STK24: variants seen among roughly 807,000 people sequenced by gnomAD.
STK24 encodes the protein serine/threonine kinase 24.
Under a neutral mutation model 55.6 loss-of-function variants are expected in STK24, and 21 were observed. The ratio of observed to expected loss-of-function variants is 0.38; its 90% confidence interval spans 0.27 to 0.54. The LOEUF (loss-of-function observed/expected upper bound fraction) is 0.54. Among genes scored for constraint, STK24 ranks in the 20% least tolerant of loss-of-function variants. The probability of loss-of-function intolerance (pLI) is 0.79; values close to 1 mark genes in which losing one functional copy is unlikely to be tolerated. For synonymous variants in STK24, 200 were observed against 215.2 expected (o/e 0.93, Z 0.62); for missense variants, 383 against 538.4 (o/e 0.71, Z 2.86).
intron 1 of STK24, among the ~76,000 whole-genome samples, chr13:98,551,859 T>C (rs1897168319): frequency 6.6e-6 from 1 of 152,210 alleles, no homozygotes; most frequent in Non-Finnish European, 1.5e-5. Flanking sequence ...AATAAATCTT[T>C]GTTGAGAAAT....
intron 2 of STK24, among the ~76,000 whole-genome samples, chr13:98,491,266 T>C (rs1895019833): frequency 6.6e-6 from 1 of 152,210 alleles, no homozygotes. Context: ...ACAGGTGGCT[T>C]AGTCACTATT....
intron 1 of STK24, among the ~76,000 whole-genome samples, chr13:98,541,003 G>A (rs1349154313): frequency 2.0e-5 from 3 of 152,102 alleles, no homozygotes; most frequent in Non-Finnish European, 4.4e-5. Context: ...CTGTGATTTA[G>A]CAGGAGACAA....
At chr13:98,562,033 C>T (rs1208979944) in intron 1 of STK24, among the ~76,000 whole-genome samples, 3 of 143,130 alleles carry the variant, frequency 2.1e-5, no homozygotes, top group Admixed American at 7.0e-5. Context: ...AAAGGAGGCA[C>T]AGAAGTCAGT....
At chr13:98,522,351 T>C (rs765635785) in intron 1 of STK24, among the ~76,000 whole-genome samples, 8 of 152,208 alleles carry the variant, frequency 5.3e-5, no homozygotes, top group Non-Finnish European at 1.2e-4. Flanking sequence ...TTCCCAAACC[T>C]GCCCGAACAG....
At chr13:98,490,952 T>C (rs1895007130) in intron 2 of STK24, among the ~76,000 whole-genome samples, 1 of 151,988 alleles carries the variant, frequency 6.6e-6, no homozygotes. Flanking sequence ...TGAGAAGTGT[T>C]CTCTGGAGAA....
intron 1 of STK24, among the ~76,000 whole-genome samples, chr13:98,569,639 A>C: frequency 6.6e-6 from 1 of 151,948 alleles, no homozygotes; most frequent in East Asian, 1.9e-4. Flanking sequence ...AAAGAAAAGA[A>C]ATCTGATCAG....
At chr13:98,467,669 C>G (rs1332796575) in intron 5 of STK24, among the ~76,000 whole-genome samples, 1 of 152,126 alleles carries the variant, frequency 6.6e-6, no homozygotes, top group Non-Finnish European at 1.5e-5. Context: ...AGCCGTGTGG[C>G]CCCACTAGGA....
intron 1 of STK24, chr13:98,575,849 G>C (rs770390604): frequency 1.6e-5 from 3 of 189,272 alleles, no homozygotes; most frequent in Non-Finnish European, 2.9e-5. Flanking sequence ...AGCCAAGGAC[G>C]GTAGCTTTGT....
chr13:98,562,773 G>A (rs893503660), intron 1 of STK24, among the ~76,000 whole-genome samples: 31 of 151,816 alleles, frequency 2.0e-4, no homozygotes, highest in African/African-American at 5.3e-4. Flanking sequence ...AAAATTAGCC[G>A]GACGTGGTGG....
At chr13:98,505,167 T>G in intron 2 of STK24, 1 of 152,170 alleles carries the variant, frequency 6.6e-6, no homozygotes, top group Non-Finnish European at 1.5e-5. Context: ...AGGAAAAGTG[T>G]CCGGAAACAC....
chr13:98,574,000 GCTTT>G (rs1415764258), intron 1 of STK24, among the ~76,000 whole-genome samples: 1 of 150,922 alleles, frequency 6.6e-6, no homozygotes, highest in Admixed American at 6.6e-5. Flanking sequence ...AATTCACTCT[GCTTT>G]ATTTTTTTAT....
Position 98,448,412 on chromosome 13 carries a change from G to A in STK24, c.*4761C>T. 1 of 1,030,624 alleles carries A rather than the reference G, an allele frequency of 9.7e-7. No individual in the cohort carries two copies. The highest frequency in any genetic ancestry group is 2.4e-5 in the East Asian group (1 of 41,494). The allele number at this position is 1,030,624 out of a possible 1,614,324, so 63.8% of individuals were successfully genotyped here. On this transcript the variant is annotated 3_prime_UTR_variant, in exon 11 of 11. Transcript: ENST00000539966. ...AGCCTGGTAAAATTAACACCTGTCTGAAAATCAAAAACATGGCTTCCCAGC... is the reference window on the plus strand; with the variant it reads ...AGCCTGGTAAAATTAACACCTGTCTAAAAATCAAAAACATGGCTTCCCAGC...
chr13:98,459,378 G>A (rs370305590), intron 9 of STK24, among the ~76,000 whole-genome samples: 6 of 152,206 alleles, frequency 3.9e-5, no homozygotes, highest in Non-Finnish European at 7.3e-5. Context: ...GTGAGGCCTC[G>A]GGCTCTGGCC....
At chr13:98,529,558 C>G (rs555750853) in intron 1 of STK24, among the ~76,000 whole-genome samples, 1 of 152,334 alleles carries the variant, frequency 6.6e-6, no homozygotes, top group South Asian at 2.1e-4. Flanking sequence ...CATCCAACTT[C>G]TTAATACTGT....
intron 3 of STK24, among the ~76,000 whole-genome samples, chr13:98,476,240 G>GCCCCCCCCCCC (rs138129188): frequency 7.1e-6 from 1 of 141,596 alleles, no homozygotes. Flanking sequence ...CAGACGGGAA[G>GCCCCCCCCCCC]CCCCCCCCCG....
At chr13:98,542,939 G>C (rs1896928471) in intron 1 of STK24, 2 of 985,292 alleles carry the variant, frequency 2.0e-6, no homozygotes, top group African/African-American at 3.5e-5. Flanking sequence ...TATTTGTGGA[G>C]ACGATGGGAC....
At chr13:98,548,861 CAAAAAAAA>C (rs55793722) in intron 1 of STK24, among the ~76,000 whole-genome samples, 4 of 37,804 alleles carry the variant, frequency 1.1e-4, no homozygotes, top group Admixed American at 3.0e-4. Flanking sequence ...GACTCTGTCT[CAAAAAAAA>C]AAAAAAAAAA....
chr13:98,533,307 T>C (rs1391845726), intron 1 of STK24, among the ~76,000 whole-genome samples: 6 of 152,206 alleles, frequency 3.9e-5, no homozygotes, highest in Admixed American at 2.0e-4. Flanking sequence ...TGCAGTGAGC[T>C]GAAATTGCAC....
chr13:98,517,723 C>G lies in STK24; in HGVS notation c.273+1520G>C, dbSNP rs1420339865. Among the ~76,000 whole-genome samples, 3 of 152,214 alleles carry G rather than the reference C, an allele frequency of 2.0e-5. No individual in the cohort carries two copies. In the East Asian group the frequency reaches 5.8e-4, roughly 29 times the overall value. On this transcript the variant is annotated intron_variant, in intron 2 of 10. Coordinates refer to ENST00000539966, the MANE Select transcript of STK24 (RefSeq NM_001032296.4). Reference sequence around the variant, plus strand: ...CGTTTTTGCTGTGTCAAGACCCAAACTGGGTGCACCACACAGCAACATTTG... The same window carrying G: ...CGTTTTTGCTGTGTCAAGACCCAAAGTGGGTGCACCACACAGCAACATTTG...
Sources: gnomAD v4.1 joint callset for allele counts (sites outside exome capture counted in the v4.1 genomes callset) on GRCh38, gnomAD v4.1.1 for gene constraint, MANE v1.5 for transcripts, NCBI Gene and HGNC (gene_info 2026-07-23, HGNC 2026-07-21) for gene names.